Variants in PER2 observed in about 807,000 individuals in gnomAD.
PER2 encodes the protein period circadian protein homolog 2.
PER2 carries 66 observed loss-of-function variants against 121.0 expected under a neutral mutation model. The observed-to-expected ratio is 0.55, with a 90% CI of 0.45 to 0.67. The LOEUF is 0.67. Among genes scored for constraint, PER2 ranks in the 30% least tolerant of loss-of-function variants. The pLI is 0.00. For synonymous variants in PER2, 684 were observed against 659.9 expected (o/e 1.04, Z -0.56); for missense variants, 1,521 against 1,635.0 (o/e 0.93, Z 1.20).
chr2:238,261,563 C>T (rs1039129632), intron 12 of PER2, 166 bp downstream of exon 12: 16 of 664,028 alleles, frequency 2.4e-5, no homozygotes, highest in Admixed American at 1.0e-4. Flanking sequence ...TGGACTGTCT[C>T]GGACTAGCAC....
At chr2:238,273,969 A>G (rs752383749) in intron 4 of PER2, among the ~76,000 whole-genome samples, 1 of 152,112 alleles carries the variant, frequency 6.6e-6, no homozygotes, top group Non-Finnish European at 1.5e-5. Context: ...CCCGGCCCCT[A>G]GAAAGTCTTT....
intron 8 of PER2, 125 bp downstream of exon 8, chr2:238,267,931 T>C: frequency 9.6e-7 from 1 of 1,041,962 alleles, no homozygotes; most frequent in South Asian, 1.3e-5. Context: ...CAAGGTGAGG[T>C]GGAGAGGCCA....
intron 17 of PER2, among the ~76,000 whole-genome samples, chr2:238,256,715 C>CA (rs1181346634): frequency 1.3e-5 from 2 of 152,260 alleles, no homozygotes; most frequent in African/African-American, 4.8e-5. Context: ...GAGGGCACCA[C>CA]AGGGCAGCAG....
chr2:238,282,272 T>C (rs1696651886), intron 1 of PER2, among the ~76,000 whole-genome samples: 1 of 152,136 alleles, frequency 6.6e-6, no homozygotes, highest in Non-Finnish European at 1.5e-5. Context: ...TGCAGATGCC[T>C]GGGCAGCCTG....
chr2:238,253,602 T>G lies in PER2; in HGVS notation c.2421A>C (p.Ser807=), dbSNP rs144985716. ...GCCCCCCAGATCCGGTGCTCTCAGA[T>G]GAGTCTCGAGGTTTGACCCGCTTGG... ...LKSKRVKPRD[S]SESTGSGGPV... is the part of the protein sequence containing the mutation. The change falls in exon 19 of 23, where the codon TCA becomes TCC. Residue 807 remains serine (S), a synonymous_variant. Transcript: ENST00000254657. The surrounding 1 kb of genome is among the most constrained non-coding windows in gnomAD (Gnocchi z 5.6). 69 of 1,610,382 alleles carry G rather than the reference T, an allele frequency of 4.3e-5. No homozygotes were observed. The African/African-American group carries it at 8.7e-4, about 20-fold the overall frequency.
Position 238,255,749 on chromosome 2 carries a change from T to C in PER2, c.2228A>G (p.Gln743Arg). ...HTQKEEQSFL[Q>R]KFKEIRKLSI... ...GAGTTTTCTTATTTCTTTGAACTTC[T>C]GCAGGAAGCTCTGCTCCTCCTTCTG... Residue 743 changes from glutamine to arginine, a missense_variant, in exon 18 of 23, where the codon CAG (glutamine) becomes CGG (arginine). By Grantham distance (43) the Gln-to-Arg change is conservative. Coordinates refer to ENST00000254657, the MANE Select transcript of PER2 (RefSeq NM_022817.3). 2 of 1,614,266 alleles carry C rather than the reference T, an allele frequency of 1.2e-6. No individual in the cohort carries two copies. Among genetic ancestry groups the C allele is most frequent in the Non-Finnish European group, 1.7e-6 (2 of 1,180,036 alleles).
chr2:238,274,661 C>T (rs568158258), intron 4 of PER2, among the ~76,000 whole-genome samples: 57 of 152,320 alleles, frequency 3.7e-4, no homozygotes, highest in Non-Finnish European at 7.8e-4. Context: ...CTCCTCCTTC[C>T]GGAAAAGGGG....
Position 238,288,369 on chromosome 2 carries a change from G to A in PER2, c.-40C>T, listed in dbSNP as rs1696853564. On this transcript the variant is annotated 5_prime_UTR_variant, in exon 1 of 23. Transcript: ENST00000254657. ...CTCACCTTTCGGACCTCAGGCTCCT[G>A]AGCTGCGAAGCGGGGGTTCGAGTCC... is the stretch of plus-strand genomic sequence containing the variant. 1 of 152,264 alleles carries A rather than the reference G, an allele frequency of 6.6e-6. No individual in the cohort carries two copies. The highest frequency in any genetic ancestry group is 2.1e-4 in the South Asian group (1 of 4,834). 9.4% of individuals were successfully genotyped at this position (152,264 alleles called of 1,614,324 possible).
At chr2:238,249,233 T>A (rs746282554) in intron 21 of PER2, 21 bp from the exon 22 acceptor site, 6 of 1,609,386 alleles carry the variant, frequency 3.7e-6, no homozygotes, top group Non-Finnish European at 5.1e-6. Flanking sequence ...TATTTAGAAA[T>A]CGGTAAGCTT....
At chr2:238,251,192 G>C (rs1249045989) in intron 20 of PER2, among the ~76,000 whole-genome samples, 1 of 152,242 alleles carries the variant, frequency 6.6e-6, no homozygotes, top group Non-Finnish European at 1.5e-5. Context: ...ATTTTGTGGA[G>C]AGTGTGTACA....
rs779439409 is a variant in PER2, at chr2:238,250,742, G to C, written c.3276C>G (p.Gly1092=). The change falls in exon 21 of 23, where the codon GGC becomes GGG. Residue 1092 remains glycine, a splice_region_variant and synonymous_variant. Transcript: ENST00000254657. ...TGCTGGTATGACTTGTGTCACTACTGCCTTTAAAAACAAAAAACGTGGTGC... is the reference window on the plus strand; with the variant it reads ...TGCTGGTATGACTTGTGTCACTACTCCCTTTAAAAACAAAAAACGTGGTGC... ...LGCDASPSGA[G]SSDTSHTSKY... 1 of 1,610,588 alleles carries C rather than the reference G, an allele frequency of 6.2e-7. No homozygotes were observed. The highest frequency in any genetic ancestry group is 8.5e-7 in the Non-Finnish European group (1 of 1,176,950).
At chr2:238,259,211 C>A (rs1196040981) in intron 14 of PER2, among the ~76,000 whole-genome samples, 3 of 152,224 alleles carry the variant, frequency 2.0e-5, no homozygotes, top group Non-Finnish European at 4.4e-5. Flanking sequence ...CAACACATCC[C>A]CAAGGCCAAA....
upstream of PER2, chr2:238,289,491 G>A (rs769159612): frequency 6.6e-6 from 1 of 152,242 alleles, no homozygotes; most frequent in Non-Finnish European, 1.5e-5. Flanking sequence ...AGGAAATAGA[G>A]TCATTGTTAC....
chr2:238,257,812 C>T (rs1254742632), intron 16 of PER2, among the ~76,000 whole-genome samples: 3 of 152,378 alleles, frequency 2.0e-5, no homozygotes, highest in East Asian at 1.9e-4. Context: ...ACATCAGCAA[C>T]ACTGACAGCG....
In PER2 at chr2:238,249,225, T is replaced by C; in HGVS notation, c.3468-13A>G. The C allele has an allele frequency of 1.2e-6, 2 of 1,611,920 alleles. No individual in the cohort carries two copies. The highest frequency in any genetic ancestry group is 2.2e-5 in the East Asian group (1 of 44,864). ...CGCTTCTAAATTTCTTCGCAAGATA[T>C]TTAGAAATCGGTAAGCTTTCAAATG... On this transcript the variant is annotated splice_polypyrimidine_tract_variant and intron_variant, in intron 21 of 22. Transcript: ENST00000254657.
intron 1 of PER2, among the ~76,000 whole-genome samples, chr2:238,283,332 C>T (rs141921750): frequency 6.8e-4 from 104 of 152,358 alleles, no homozygotes; most frequent in Admixed American, 1.2e-3. Context: ...CTTGTGTGTG[C>T]TTTCCAGACT....
In PER2 at chr2:238,258,628, G is replaced by A; in HGVS notation, c.1644C>T (p.Pro548=). 2.5e-6 allele frequency: 4 copies of A among 1,614,048 alleles called. No individual in the cohort carries two copies. Among genetic ancestry groups the A allele is most frequent in the Non-Finnish European group, 3.4e-6 (4 of 1,179,996 alleles). ...KKSVTEMQTN[P]PAEKKAVPAM... Reference sequence around the variant, plus strand: ...CAGGGACAGCTTTCTTCTCAGCTGGGGGATTAGTTTGCATTTCTGAAGGAA... The same window carrying A: ...CAGGGACAGCTTTCTTCTCAGCTGGAGGATTAGTTTGCATTTCTGAAGGAA... The change falls in exon 15 of 23, where the codon CCC becomes CCT. Residue 548 remains proline (P), a synonymous_variant. Transcript: ENST00000254657.
At position 238,273,188 on chromosome 2, in the gene PER2, T is replaced by C. The variant is rs747107687; in HGVS notation, c.452A>G (p.Asn151Ser). ...ALRSVKQVKA[N>S]EEYYQLLMSS... Reference sequence around the variant, plus strand: ...CATCAGCAGCTGGTAATACTCTTCATTGGCTGCAGGAGAGACAGTGTTCAC... The same window carrying C: ...CATCAGCAGCTGGTAATACTCTTCACTGGCTGCAGGAGAGACAGTGTTCAC... The change falls in exon 5 of 23, where the codon AAT becomes AGT. Residue 151 changes from asparagine (N) to serine (S), a missense_variant. By Grantham distance (46) the Asn-to-Ser change is conservative. Transcript: ENST00000254657. The C allele has an allele frequency of 8.7e-6, 14 of 1,613,182 alleles. No individual in the cohort carries two copies. Among genetic ancestry groups the C allele is most frequent in the Admixed American group, 5.0e-5 (3 of 59,942 alleles).
chr2:238,256,182 C>A (rs1054092381), intron 17 of PER2, among the ~76,000 whole-genome samples: 4 of 152,220 alleles, frequency 2.6e-5, no homozygotes, highest in African/African-American at 9.6e-5. Context: ...GGCTTCAGCT[C>A]TGCTGCTGAA....
Sources: allele counts gnomAD v4.1 joint callset (sites outside exome capture counted in the v4.1 genomes callset), GRCh38; gene constraint gnomAD v4.1.1; non-coding constraint Gnocchi (gnomAD v3.1); transcripts MANE v1.5; gene names NCBI Gene and HGNC (gene_info 2026-07-23, HGNC 2026-07-21).